Variants in C11orf58 observed in about 807,000 individuals in gnomAD.
C11orf58 encodes small acidic protein.
A neutral mutation model predicts 22.7 loss-of-function variants in C11orf58; 5 were observed. The observed-to-expected ratio is 0.22, with a 90% CI of 0.12 to 0.46. The LOEUF is 0.46. Ranked by LOEUF, C11orf58 falls within the 20% of genes least tolerant of loss-of-function variation. C11orf58 has a pLI of 0.99. For missense variants in C11orf58, 151 were observed against 223.3 expected (o/e 0.68, Z 2.06); for synonymous variants, 71 against 70.7 (o/e 1.00, Z -0.02).
intron 2 of C11orf58, 139 bp from the exon 3 acceptor site, chr11:16,747,958 C>A: frequency 1.5e-6 from 1 of 661,156 alleles, no homozygotes; most frequent in Non-Finnish European, 2.7e-6. Flanking sequence ...ATGTAAGGTC[C>A]TTAAAGGCAG....
chr11:16,754,911 A>G lies in C11orf58; in HGVS notation c.359A>G (p.Asp120Gly), dbSNP rs1210223752. 3.7e-6 allele frequency: 6 copies of G among 1,614,012 alleles called. No individual in the cohort carries two copies. The Admixed American group carries it at 5.0e-5, about 13-fold the overall frequency. ...GGAGAAGGTGATGTGGCTGGAGATG[A>G]TGATGATGACGATGATGATTCACCT... is the stretch of plus-strand genomic sequence containing the variant. Reference protein sequence around the residue: ...HDGEGDVAGDDDDDDDDSPDP... With the variant: ...HDGEGDVAGDGDDDDDDSPDP... The change falls in exon 5 of 5, where the codon GAT becomes GGT. Residue 120 changes from aspartate (D) to glycine (G), a missense_variant. Physicochemically the swap from Asp to Gly is moderately conservative, Grantham distance 94 (BLOSUM62 -1). Coordinates refer to ENST00000228136, the MANE Select transcript of C11orf58 (RefSeq NM_014267.6).
At chr11:16,741,280 C>T (rs1158489875) in intron 1 of C11orf58, among the ~76,000 whole-genome samples, 2 of 152,056 alleles carry the variant, frequency 1.3e-5, no homozygotes, top group South Asian at 2.1e-4. Flanking sequence ...TCTAGAAAAA[C>T]GCTAACAATG....
chr11:16,747,982 A>C, intron 2 of C11orf58, 115 bp from the exon 3 acceptor site: 1 of 775,566 alleles, frequency 1.3e-6, no homozygotes, highest in Non-Finnish European at 2.2e-6. Context: ...TTCTAATTTA[A>C]TCTTTTGTCT....
In C11orf58 at chr11:16,753,891, G is replaced by A. The variant is rs755816291; in HGVS notation, c.319-980G>A. 12 of 524,304 alleles carry A rather than the reference G, an allele frequency of 2.3e-5. 2 individuals carry two copies. In the Middle Eastern group the frequency reaches 8.5e-4, roughly 37 times the overall value. 32.5% of individuals were successfully genotyped at this position (524,304 alleles called of 1,614,324 possible). ...TTTTTGTATTTTTTGTAGAGACGGA[G>A]TTTTGCTATGTTGCCCAGGCTGGTC... On this transcript the variant is annotated intron_variant, in intron 4 of 4. Transcript: ENST00000228136.
intron 2 of C11orf58, chr11:16,747,441 A>G (rs1848496299): frequency 6.6e-6 from 1 of 152,184 alleles, no homozygotes; most frequent in Non-Finnish European, 1.5e-5. Context: ...TAAAGAGTGG[A>G]TTGGACTGAT....
At chr11:16,739,163 G>A (rs1848422722) in intron 1 of C11orf58, among the ~76,000 whole-genome samples, 1 of 152,102 alleles carries the variant, frequency 6.6e-6, no homozygotes, top group Non-Finnish European at 1.5e-5. Context: ...GCTTTCTCGG[G>A]CCTTTGTACT....
intron 3 of C11orf58, chr11:16,750,192 A>C (rs1248507252): frequency 1.3e-5 from 2 of 152,274 alleles, no homozygotes; most frequent in Admixed American, 6.5e-5. Context: ...GGTGATTCAC[A>C]TTCTCCAAAC....
At chr11:16,747,145 T>G (rs1848493853) in intron 2 of C11orf58, 1 of 152,236 alleles carries the variant, frequency 6.6e-6, no homozygotes, top group Admixed American at 6.5e-5. Flanking sequence ...TGCTGTTATA[T>G]TAAAATCTTG....
At chr11:16,740,964 C>T (rs190942740) in intron 1 of C11orf58, among the ~76,000 whole-genome samples, 2 of 151,840 alleles carry the variant, frequency 1.3e-5, no homozygotes, top group East Asian at 2.0e-4. Flanking sequence ...GGCGTGGTAG[C>T]GGGCGCCTGT....
chr11:16,758,189 T>TATCA lies in C11orf58; in HGVS notation c.*3088_*3091dup, dbSNP rs143830836. Among the ~76,000 whole-genome samples the TATCA allele has an allele frequency of 4.7e-3, 710 of 152,208 alleles. 6 individuals are homozygous for TATCA. Among genetic ancestry groups the TATCA allele is most frequent in the African/African-American group, 0.016 (677 of 41,480 alleles). On this transcript the variant is annotated 3_prime_UTR_variant, in exon 5 of 5. Transcript: ENST00000228136. ...TAAGTCCTATCTAGGCTTCCTGATCTATCAATTCAGTATCATGATTGTTAA... is the reference window on the plus strand; with the variant it reads ...TAAGTCCTATCTAGGCTTCCTGATCTATCAATCAATTCAGTATCATGATTGTTAA...
At chr11:16,748,367 G>A in intron 3 of C11orf58, 1 of 423,646 alleles carries the variant, frequency 2.4e-6, no homozygotes, top group Non-Finnish European at 4.3e-6. Context: ...GTTTGAGGCT[G>A]CAATGAAGCT....
At position 16,752,859 on chromosome 11, in the gene C11orf58, A is replaced by C. The variant is rs770091884; in HGVS notation, c.283A>C (p.Arg95=). Residue 95 remains arginine (R), a synonymous_variant, in exon 4 of 5, where the codon AGA becomes CGA. Coordinates refer to ENST00000228136, the MANE Select transcript of C11orf58 (RefSeq NM_014267.6). ...AAGTATGGACAGTAAATTATCAGGA[A>C]GATATCGGCGACATTGTGGACTTGG... The part of the protein sequence containing the change: ...QQSMDSKLSG[R]YRRHCGLGFS... 35 of 1,611,860 alleles carry C rather than the reference A, an allele frequency of 2.2e-5. No individual in the cohort carries two copies. The highest frequency in any genetic ancestry group is 1.3e-4 in the Admixed American group (8 of 59,598).
chr11:16,753,347 G>A (rs1476249146), intron 4 of C11orf58, among the ~76,000 whole-genome samples: 1 of 151,900 alleles, frequency 6.6e-6, no homozygotes, highest in Non-Finnish European at 1.5e-5. Context: ...GGTATTACAG[G>A]TGTGAGCCAC....
chr11:16,748,202 A>G, intron 3 of C11orf58, 45 bp downstream of exon 3: 1 of 1,436,028 alleles, frequency 7.0e-7, no homozygotes, highest in Non-Finnish European at 9.8e-7. Context: ...TAAATTCAGA[A>G]TATGAAGTAT....
Position 16,744,314 on chromosome 11 carries a change from G to A in C11orf58, c.64-287G>A, listed in dbSNP as rs554848503. 8 of 318,952 alleles carry A rather than the reference G, an allele frequency of 2.5e-5. No homozygotes were observed. The South Asian group carries it at 3.2e-4, about 13-fold the overall frequency. 19.8% of individuals were successfully genotyped at this position (318,952 alleles called of 1,614,324 possible). A position where few individuals can be genotyped will look rare whatever the true frequency, so the allele number is the denominator to read the frequency against. ...CCAGACCCGCTGAATCTCTGGGGCTGTAGCCCTGCAGTCTGTTTTAACAAG... is the reference window on the plus strand; with the variant it reads ...CCAGACCCGCTGAATCTCTGGGGCTATAGCCCTGCAGTCTGTTTTAACAAG... On this transcript the variant is annotated intron_variant, in intron 1 of 4. Transcript: ENST00000228136.
At chr11:16,753,843 C>G in intron 4 of C11orf58, 1 of 456,800 alleles carries the variant, frequency 2.2e-6, no homozygotes. Context: ...GGGATATAGG[C>G]CTGCACCACC....
rs1848415818 is a variant in C11orf58 at position 16,738,681 on chromosome 11, G to A, written c.-98G>A. The A allele has an allele frequency of 1.5e-6, 2 of 1,358,092 alleles. No homozygotes were observed. The highest frequency in any genetic ancestry group is 2.1e-6 in the Non-Finnish European group (2 of 950,832). 84.1% of individuals were successfully genotyped at this position (1,358,092 alleles called of 1,614,324 possible). A position where few individuals can be genotyped will look rare whatever the true frequency, so the allele number is the denominator to read the frequency against. ...CCGGAGGGGCTCTGCGTTCTGTAGT[G>A]GCGCTGCTTGGGCCCTTGGCGGATT... On this transcript the variant is annotated 5_prime_UTR_variant, in exon 1 of 5. Coordinates refer to ENST00000228136, the MANE Select transcript of C11orf58 (RefSeq NM_014267.6).
At chr11:16,753,944 T>C in intron 4 of C11orf58, 1 of 562,196 alleles carries the variant, frequency 1.8e-6, no homozygotes, top group Non-Finnish European at 3.3e-6. Flanking sequence ...AAGCGATCTT[T>C]CCGCCTTCCA....
intron 1 of C11orf58, among the ~76,000 whole-genome samples, chr11:16,739,861 A>G (rs1245561913): frequency 2.0e-5 from 3 of 152,194 alleles, no homozygotes; most frequent in African/African-American, 4.8e-5. Context: ...GTGCATTTCA[A>G]CGCTCTTCAT....
Sources: allele counts gnomAD v4.1 joint callset (sites outside exome capture counted in the v4.1 genomes callset), GRCh38; gene constraint gnomAD v4.1.1; transcripts MANE v1.5; gene names NCBI Gene and HGNC (gene_info 2026-07-23, HGNC 2026-07-21).